HIPK2: variants seen among roughly 807,000 people sequenced by gnomAD.
The protein encoded by HIPK2 is homeodomain interacting protein kinase 2, also known as homeodomain-interacting protein kinase 2.
Under a neutral mutation model 113.7 loss-of-function variants are expected in HIPK2, and 27 were observed. The observed-to-expected ratio is 0.24, with a 90% CI of 0.17 to 0.33. The LOEUF (loss-of-function observed/expected upper bound fraction) is 0.33. Among genes scored for constraint, HIPK2 ranks in the 10% least tolerant of loss-of-function variants. The pLI is 1.00. For missense variants in HIPK2, 1,257 were observed against 1,588.0 expected, an observed-to-expected ratio of 0.79 and a Z score of 3.54; for synonymous variants, 631 against 642.2, an observed-to-expected ratio of 0.98 and a Z score of 0.26.
intron 2 of HIPK2, among the ~76,000 whole-genome samples, chr7:139,649,187 C>T (rs963524197): frequency 1.3e-5 from 2 of 152,126 alleles, no homozygotes; most frequent in Non-Finnish European, 2.9e-5. Context: ...ACCACAGCGG[C>T]CTATGAATTA....
chr7:139,595,538 G>A (rs1473551819), intron 12 of HIPK2, among the ~76,000 whole-genome samples: 1 of 152,070 alleles, frequency 6.6e-6, no homozygotes, highest in Non-Finnish European at 1.5e-5. Context: ...ACAATGCTAC[G>A]GCCACAAGTG....
intron 1 of HIPK2, among the ~76,000 whole-genome samples, chr7:139,750,619 A>G (rs1351320221): frequency 6.6e-6 from 1 of 152,240 alleles, no homozygotes; most frequent in Non-Finnish European, 1.5e-5. Context: ...GATAAGAAGA[A>G]GTACTCAGAC....
intron 2 of HIPK2, among the ~76,000 whole-genome samples, chr7:139,691,996 T>C (rs1424463949): frequency 6.6e-6 from 1 of 152,176 alleles, no homozygotes; most frequent in African/African-American, 2.4e-5. Flanking sequence ...AGGATATTTA[T>C]AAAAAGATGA....
At chr7:139,602,545 G>A (rs1161091979) in intron 10 of HIPK2, among the ~76,000 whole-genome samples, 1 of 151,894 alleles carries the variant, frequency 6.6e-6, no homozygotes, top group African/African-American at 2.4e-5. Flanking sequence ...GAAATTAGAT[G>A]AGCTATAAAT....
chr7:139,742,746 T>A (rs938462565), intron 1 of HIPK2, among the ~76,000 whole-genome samples: 1 of 152,196 alleles, frequency 6.6e-6, no homozygotes, highest in African/African-American at 2.4e-5. Context: ...AAAAGGAGCA[T>A]GAAGACTCAT....
chr7:139,646,507 A>C (rs1196637527), intron 2 of HIPK2, among the ~76,000 whole-genome samples: 1 of 147,720 alleles, frequency 6.8e-6, no homozygotes, highest in African/African-American at 2.4e-5. Flanking sequence ...CTTAAAAAAA[A>C]AAAAAAAAAA....
chr7:139,575,772 C>T (rs954462090), intron 13 of HIPK2, among the ~76,000 whole-genome samples: 41 of 152,208 alleles, frequency 2.7e-4, no homozygotes, highest in African/African-American at 9.6e-4. Context: ...TGTATGAGTT[C>T]ATCAGTGCAT....
rs143750221 is a variant in HIPK2 at position 139,640,422 on chromosome 7, G to A, written c.1104-8697C>T. ...TGCAGAAGTCAAGAGGGCGTGGCCCGCACTTGGGATCCCAGTGTTCACCGG... is the reference window on the plus strand; with the variant it reads ...TGCAGAAGTCAAGAGGGCGTGGCCCACACTTGGGATCCCAGTGTTCACCGG... On this transcript the variant is annotated intron_variant, in intron 2 of 14. Transcript: ENST00000406875. Among the ~76,000 whole-genome samples, 80 of 152,266 alleles carry A rather than the reference G, an allele frequency of 5.3e-4. 1 individual carries two copies. In the East Asian group the frequency reaches 0.014, roughly 26 times the overall value.
At chr7:139,706,279 A>G (rs867755014) in intron 2 of HIPK2, among the ~76,000 whole-genome samples, 15 of 152,218 alleles carry the variant, frequency 9.9e-5, no homozygotes, top group African/African-American at 3.6e-4. Context: ...TGAGATGTGT[A>G]CGTTCCCCAA....
chr7:139,615,836 G>A (rs116467922), intron 7 of HIPK2, among the ~76,000 whole-genome samples: 3,284 of 152,294 alleles, frequency 0.022, 118 homozygotes, highest in African/African-American at 0.076. Flanking sequence ...AAATAATCAC[G>A]AAATTGAGTG....
intron 2 of HIPK2, among the ~76,000 whole-genome samples, chr7:139,701,604 C>T (rs939056736): frequency 2.2e-4 from 34 of 152,272 alleles, no homozygotes; most frequent in African/African-American, 6.7e-4. Context: ...TCGTGTTCAC[C>T]GTACAACCAG....
intron 2 of HIPK2, among the ~76,000 whole-genome samples, chr7:139,636,119 G>A (rs376150281): frequency 3.9e-5 from 6 of 152,168 alleles, no homozygotes; most frequent in African/African-American, 1.4e-4. Context: ...CACATCTGTT[G>A]ATCAACTTCT....
At chr7:139,681,508 C>T (rs781642314) in intron 2 of HIPK2, among the ~76,000 whole-genome samples, 3 of 152,180 alleles carry the variant, frequency 2.0e-5, no homozygotes, top group Non-Finnish European at 4.4e-5. Flanking sequence ...CTATAATCAG[C>T]GCCAGTGCTG....
intron 2 of HIPK2, among the ~76,000 whole-genome samples, chr7:139,656,147 A>AT (rs147737021): frequency 0.065 from 9,922 of 152,026 alleles, 460 homozygotes; most frequent in African/African-American, 0.14. Flanking sequence ...GTCCACCTCC[A>AT]TGGTGAACTC....
intron 1 of HIPK2, among the ~76,000 whole-genome samples, chr7:139,725,384 T>A (rs926522342): frequency 1.1e-4 from 17 of 152,092 alleles, no homozygotes; most frequent in Non-Finnish European, 2.2e-4. Context: ...ATCAGGAGAG[T>A]GAGACTCATG....
intron 1 of HIPK2, among the ~76,000 whole-genome samples, chr7:139,767,636 C>T (rs903975912): frequency 1.3e-5 from 2 of 152,226 alleles, no homozygotes; most frequent in Admixed American, 1.3e-4. Context: ...GGTTACTGAA[C>T]TACTTTGGCA....
intron 2 of HIPK2, among the ~76,000 whole-genome samples, chr7:139,707,412 G>A (rs1267400577): frequency 6.6e-6 from 1 of 152,264 alleles, no homozygotes; most frequent in Non-Finnish European, 1.5e-5. Context: ...CGAGAGAAGG[G>A]TGGCCCTGTC....
Position 139,596,741 on chromosome 7 carries a change from T to G in HIPK2, c.2693A>C (p.Glu898Ala), listed in dbSNP as rs1489402960. ...ITISSDTDEE[E>A]EQKHAPTSTV... is the part of the protein sequence containing the mutation. ...CCTGGTGGGGGCGTGTTTCTGTTCC[T>G]CCTCCTCGTCCGTGTCACTGCTGAT... The change falls in exon 12 of 15, where the codon GAG becomes GCG. Residue 898 changes from glutamate to alanine, a missense_variant. Transcript: ENST00000406875. 6.2e-7 allele frequency: 1 copy of G among 1,612,090 alleles called. No individual in the cohort carries two copies. Among genetic ancestry groups the G allele is most frequent in the South Asian group, 1.1e-5 (1 of 91,066 alleles).
intron 2 of HIPK2, among the ~76,000 whole-genome samples, chr7:139,679,558 C>G (rs1019818104): frequency 6.6e-6 from 1 of 152,158 alleles, no homozygotes; most frequent in East Asian, 1.9e-4. Context: ...TGGTGCACTG[C>G]TGGTTATAAA....
Sources: allele counts gnomAD v4.1 joint callset (sites outside exome capture counted in the v4.1 genomes callset), GRCh38; gene constraint gnomAD v4.1.1; transcripts MANE v1.5; gene names NCBI Gene and HGNC (gene_info 2026-07-23, HGNC 2026-07-21).